Variants in AKNA observed in about 807,000 individuals in gnomAD.
AKNA encodes the protein AT-hook transcription factor.
A neutral mutation model predicts 138.8 loss-of-function variants in AKNA; 67 were observed. The observed-to-expected ratio is 0.48, with a 90% CI of 0.40 to 0.59. AKNA has a LOEUF of 0.59. Among genes scored for constraint, AKNA ranks in the 20% least tolerant of loss-of-function variants. AKNA has a pLI of 0.00. For synonymous variants in AKNA, 737 were observed against 754.4 expected, an observed-to-expected ratio of 0.98 and a Z score of 0.38; for missense variants, 1,813 against 1,880.4, an observed-to-expected ratio of 0.96 and a Z score of 0.66.
Position 114,347,762 on chromosome 9 carries a change from TGGCCGGCCGCG to T in AKNA, c.3349_3359del (p.Arg1117SerfsTer14). 6.5e-7 allele frequency: 1 copy of T among 1,542,090 alleles called. No individual in the cohort carries two copies. The highest frequency in any genetic ancestry group is 8.8e-7 in the Non-Finnish European group (1 of 1,142,784). On this transcript the variant is annotated frameshift_variant, in exon 16 of 22. Transcript: ENST00000374088. LOFTEE classifies it high-confidence loss of function. ...AGCCCCAGGTGGCTGGGGAGTCTGC[TGGCCGGCCGCG>T]GGTCCGGGCGGGGCGGTCAAAGGCA... is the stretch of plus-strand genomic sequence containing the variant.
At position 114,347,305 on chromosome 9, in the gene AKNA, C is replaced by T. The variant is rs565439748; in HGVS notation, c.3398+419G>A. Among the ~76,000 whole-genome samples, 11 of 152,220 alleles carry T rather than the reference C, an allele frequency of 7.2e-5. No individual in the cohort carries two copies. In the East Asian group the frequency reaches 9.6e-4, roughly 13 times the overall value. Reference sequence around the variant, plus strand: ...CACAATCTCAGCTCACTGCAACCTCCGCCTCCTGGGTTCAAGCAATTCTCC... The same window carrying T: ...CACAATCTCAGCTCACTGCAACCTCTGCCTCCTGGGTTCAAGCAATTCTCC... On this transcript the variant is annotated intron_variant, in intron 16 of 21. Coordinates refer to ENST00000374088, the MANE Select transcript of AKNA (RefSeq NM_001317950.2).
chr9:114,349,332 A>T (rs925549769), intron 15 of AKNA, among the ~76,000 whole-genome samples: 4 of 152,220 alleles, frequency 2.6e-5, no homozygotes, highest in Non-Finnish European at 5.9e-5. Flanking sequence ...TGCACATGGC[A>T]GCAGCATCTA....
chr9:114,381,304 C>G lies in AKNA; in HGVS notation c.30G>C (p.Trp10Cys). The G allele has an allele frequency of 6.2e-7, 1 of 1,606,608 alleles. No individual in the cohort carries two copies. The highest frequency in any genetic ancestry group is 1.1e-5 in the South Asian group (1 of 90,056). Residue 10 changes from tryptophan (W) to cysteine (C), a missense_variant, in exon 2 of 22, where the codon TGG becomes TGC. Coordinates refer to ENST00000374088, the MANE Select transcript of AKNA (RefSeq NM_001317950.2). ...GGCCCTTCCCCAGGCCAGGCTCAGC[C>G]CAGCGGATCTCAGTCTCCGAGCTGG... The part of the protein sequence containing the change: MASSETEIR[W>C]AEPGLGKGPQ...
chr9:114,351,709 T>G (rs1831136403), intron 14 of AKNA, among the ~76,000 whole-genome samples: 1 of 151,954 alleles, frequency 6.6e-6, no homozygotes, highest in African/African-American at 2.4e-5. Flanking sequence ...TATGCCCCTT[T>G]GGTCCCAGCT....
chr9:114,345,913 AC>A lies in AKNA; in HGVS notation c.3610del (p.Val1204TrpfsTer192), dbSNP rs751677140. ...CCTGTCTGGCCATCCAGCACTGCCCACCCCTCTCTTTCCATCCCGAGCTGCC... is the reference window on the plus strand; with the variant it reads ...CCTGTCTGGCCATCCAGCACTGCCCACCCTCTCTTTCCATCCCGAGCTGCC... ...PQAARDGKRGVGSAGWPDRVT... is the reference protein window; with the variant it reads ...PQAARDGKRGXGSAGWPDRVT... On this transcript the variant is annotated frameshift_variant, in exon 18 of 22. Coordinates refer to ENST00000374088, the MANE Select transcript of AKNA (RefSeq NM_001317950.2). LOFTEE classifies it high-confidence loss of function. 1 of 1,613,144 alleles carries A rather than the reference AC, an allele frequency of 6.2e-7. No homozygotes were observed. The highest frequency in any genetic ancestry group is 1.7e-5 in the Admixed American group (1 of 59,902).
In AKNA at chr9:114,342,567, C is replaced by G. The variant is rs1830428229; in HGVS notation, c.3758-442G>C. The stretch of plus-strand genomic sequence containing the variant: ...CCATGTGGGAGTGGCCCAGAACAGT[C>G]CCCTGGGGAACCAGGGGGGTCAGTA... On this transcript the variant is annotated intron_variant, in intron 19 of 21. Coordinates refer to ENST00000374088, the MANE Select transcript of AKNA (RefSeq NM_001317950.2). Among the ~76,000 whole-genome samples the G allele has an allele frequency of 2.0e-5, 3 of 151,686 alleles. No homozygotes were observed. The South Asian group carries it at 6.3e-4, about 32-fold the overall frequency.
rs114235842 is a variant in AKNA at position 114,356,203 on chromosome 9, T to A, written c.2847-67A>T. ...AGTGAGACACTCAGGCGGCAGCATC[T>A]GAGCCCCTCCACATGCTAACCCAAT... is the stretch of plus-strand genomic sequence containing the variant. On this transcript the variant is annotated intron_variant, in intron 13 of 21. Coordinates refer to ENST00000374088, the MANE Select transcript of AKNA (RefSeq NM_001317950.2). 3,618 of 1,477,566 alleles carry A rather than the reference T, an allele frequency of 2.4e-3. 68 individuals carry two copies. The African/African-American group carries it at 0.044, about 18-fold the overall frequency. The allele number at this position is 1,477,566 out of a possible 1,614,324, so 91.5% of individuals were successfully genotyped here.
rs777107396 is a variant in AKNA, at chr9:114,376,928, C to T, written c.879G>A (p.Lys293=). The change falls in exon 3 of 22, where the codon AAG becomes AAA. Residue 293 remains lysine, a synonymous_variant. Coordinates refer to ENST00000374088, the MANE Select transcript of AKNA (RefSeq NM_001317950.2). ...TCTTTGTCTGCTTCCAGATGTGTTC[C>T]TTGGGCTGAGGGCAGAAGAATCTGG... ...ETTRFFCPQP[K]EHIWKQTKTS... The T allele has an allele frequency of 1.9e-6, 3 of 1,614,234 alleles. No individual in the cohort carries two copies. Among genetic ancestry groups the T allele is most frequent in the Non-Finnish European group, 2.5e-6 (3 of 1,180,040 alleles).
At chr9:114,385,105 C>T (rs139667115) in intron 1 of AKNA, among the ~76,000 whole-genome samples, 8 of 152,304 alleles carry the variant, frequency 5.3e-5, no homozygotes, top group Admixed American at 2.0e-4. Flanking sequence ...CCTCCTGCCT[C>T]GGCCTCCCTA....
chr9:114,347,721 C>T lies in AKNA; in HGVS notation c.3398+3G>A. 1 of 1,519,454 alleles carries T rather than the reference C, an allele frequency of 6.6e-7. No homozygotes were observed. The highest frequency in any genetic ancestry group is 1.2e-5 in the South Asian group (1 of 81,134). 94.1% of individuals were successfully genotyped at this position (1,519,454 alleles called of 1,614,324 possible). A position where few individuals can be genotyped will look rare whatever the true frequency, so the allele number is the denominator to read the frequency against. On this transcript the variant is annotated splice_donor_region_variant and intron_variant, in intron 16 of 21. Coordinates refer to ENST00000374088, the MANE Select transcript of AKNA (RefSeq NM_001317950.2). The stretch of plus-strand genomic sequence containing the variant: ...CAGAGGTGGGAGTTTTGAGGTCACC[C>T]ACCTGCCATAATGGGAGCCCCAGGT...
At chr9:114,332,971 C>T, downstream of AKNA, 1 of 1,565,050 alleles carries the variant, frequency 6.4e-7, no homozygotes, top group Non-Finnish European at 8.7e-7. Flanking sequence ...GAGCTGGTTC[C>T]ACAGGCCAGA....
intron 12 of AKNA, among the ~76,000 whole-genome samples, chr9:114,357,715 G>A (rs1831602423): frequency 6.6e-6 from 1 of 152,224 alleles, no homozygotes; most frequent in Non-Finnish European, 1.5e-5. Context: ...TCTCAGAGGA[G>A]GAACAAGAGC....
intron 15 of AKNA, among the ~76,000 whole-genome samples, chr9:114,349,601 C>T (rs184953798): frequency 6.6e-6 from 1 of 152,180 alleles, no homozygotes. Flanking sequence ...AAAACATAAA[C>T]CTGCCTACGC....
intron 6 of AKNA, among the ~76,000 whole-genome samples, chr9:114,365,759 T>C (rs1470390292): frequency 6.6e-6 from 1 of 152,164 alleles, no homozygotes; most frequent in African/African-American, 2.4e-5. Context: ...TTTCTAAGTC[T>C]CTGAAATCTG....
chr9:114,357,816 T>G, intron 12 of AKNA, 105 bp downstream of exon 12: 1 of 1,532,878 alleles, frequency 6.5e-7, no homozygotes, highest in Non-Finnish European at 8.7e-7. Flanking sequence ...GAGCAGCAAG[T>G]ATTCCAAGAA....
chr9:114,385,811 AACACACGTTAGT>A (rs1430419151), intron 1 of AKNA, among the ~76,000 whole-genome samples: 5 of 152,338 alleles, frequency 3.3e-5, no homozygotes, highest in Admixed American at 1.3e-4. Context: ...TCAGTCAACA[AACACACGTTAGT>A]GCCAACTACC....
chr9:114,364,262 T>A (rs1832175644), intron 7 of AKNA, among the ~76,000 whole-genome samples: 1 of 151,836 alleles, frequency 6.6e-6, no homozygotes, highest in South Asian at 2.1e-4. Context: ...TCCATCCTGG[T>A]TAAATGAGGG....
At position 114,381,070 on chromosome 9, in the gene AKNA, A is replaced by C; in HGVS notation, c.264T>G (p.Thr88=). The change falls in exon 2 of 22, where the codon ACT becomes ACG. Residue 88 remains threonine (T), a synonymous_variant. Coordinates refer to ENST00000374088, the MANE Select transcript of AKNA (RefSeq NM_001317950.2). ...DGHQDSESGE[T]SGEEAEAEDV... ...GGGTGTCAGTCTCACCTTCTCCCGA[A>C]GTCTCTCCTGACTCGGAATCCTGAT... The C allele has an allele frequency of 1.9e-6, 3 of 1,555,246 alleles. No homozygotes were observed. Among genetic ancestry groups the C allele is most frequent in the Admixed American group, 1.8e-5 (1 of 54,300 alleles).
In AKNA at chr9:114,337,013, G is replaced by GGGGGGGGGGGGGGGGCC; in HGVS notation, c.*40_*41insGGCCCCCCCCCCCCCCC. 5.9e-6 allele frequency: 7 copies of GGGGGGGGGGGGGGGGCC among 1,185,370 alleles called. No individual in the cohort carries two copies. The highest frequency in any genetic ancestry group is 7.6e-6 in the Non-Finnish European group (7 of 921,704). The allele number at this position is 1,185,370 out of a possible 1,614,324, so 73.4% of individuals were successfully genotyped here. A position where few individuals can be genotyped will look rare whatever the true frequency, so the allele number is the denominator to read the frequency against. On this transcript the variant is annotated 3_prime_UTR_variant, in exon 22 of 22. Coordinates refer to ENST00000374088, the MANE Select transcript of AKNA (RefSeq NM_001317950.2). ...CCACTCCTGGCCTGGCAGGCCACCT[G>GGGGGGGGGGGGGGGGCC]CCCACCCACCCACCCATCTGCCTCT...
Sources: allele counts gnomAD v4.1 joint callset (sites outside exome capture counted in the v4.1 genomes callset), GRCh38; gene constraint gnomAD v4.1.1; transcripts MANE v1.5; gene names NCBI Gene and HGNC (gene_info 2026-07-23, HGNC 2026-07-21).